Variants in ALMS1 observed in about 807,000 individuals in gnomAD.
The protein encoded by ALMS1 is centrosome-associated protein ALMS1.
ALMS1 carries 271 observed loss-of-function variants against 352.2 expected under a neutral mutation model. The ratio of observed to expected loss-of-function variants is 0.77; its 90% CI spans 0.70 to 0.85. The LOEUF is 0.85. Among genes scored for constraint, ALMS1 ranks in the 40% least tolerant of loss-of-function variants. The pLI is 0.00. For missense variants in ALMS1, 5,445 were observed against 4,870.7 expected (o/e 1.12, Z -3.51); for synonymous variants, 1,865 against 1,761.2 (o/e 1.06, Z -1.48).
intron 10 of ALMS1, 112 bp from the exon 11 acceptor site, chr2:73,519,662 AC>A: frequency 7.1e-7 from 1 of 1,416,508 alleles, no homozygotes; most frequent in South Asian, 1.2e-5. Flanking sequence ...TGATGTGTCC[AC>A]AATATATTCC....
chr2:73,592,793 CG>C (rs1275851685), intron 16 of ALMS1, among the ~76,000 whole-genome samples: 1 of 152,094 alleles, frequency 6.6e-6, no homozygotes, highest in Admixed American at 6.5e-5. Context: ...TTAATAAATA[CG>C]GGAATGAGTC....
rs267599449 is a variant in ALMS1 at position 73,573,038 on chromosome 2, C to A, written c.11161C>A (p.Leu3721Met). ...IEQIKFDKYI[L>M]SKQPGFNYIS... The stretch of plus-strand genomic sequence containing the variant: ...ACAGATTAAATTTGATAAATATATT[C>A]TGAGTAAACAGCCAGGTTTTAATTA... The change falls in exon 16 of 23, where the codon CTG becomes ATG. Residue 3721 changes from leucine to methionine, a missense_variant. By Grantham distance (15) the Leu-to-Met change is conservative. Transcript: ENST00000613296. 6.2e-7 allele frequency: 1 copy of A among 1,614,044 alleles called. No individual in the cohort carries two copies. The highest frequency in any genetic ancestry group is 1.1e-5 in the South Asian group (1 of 91,078).
At chr2:73,406,574 G>A (rs1011934637) in intron 1 of ALMS1, among the ~76,000 whole-genome samples, 2 of 150,600 alleles carry the variant, frequency 1.3e-5, no homozygotes, top group Admixed American at 1.3e-4. Flanking sequence ...TGTATATTCT[G>A]TAGCTATTTT....
chr2:73,546,112 G>A (rs1279536262), intron 12 of ALMS1, among the ~76,000 whole-genome samples: 1 of 152,080 alleles, frequency 6.6e-6, no homozygotes, highest in Non-Finnish European at 1.5e-5. Flanking sequence ...CCTTCCTAAG[G>A]TACCTTCAAG....
intron 10 of ALMS1, among the ~76,000 whole-genome samples, chr2:73,512,621 A>G (rs896594363): frequency 6.6e-6 from 1 of 152,026 alleles, no homozygotes; most frequent in Non-Finnish European, 1.5e-5. Context: ...TAGATTTCAG[A>G]CTTGCAAATT....
chr2:73,516,585 C>A (rs1019470829), intron 10 of ALMS1, among the ~76,000 whole-genome samples: 2 of 152,180 alleles, frequency 1.3e-5, no homozygotes, highest in African/African-American at 4.8e-5. Context: ...GGTTTTTCAA[C>A]AACTAAATAT....
chr2:73,396,842 A>T (rs934370343), intron 1 of ALMS1, among the ~76,000 whole-genome samples: 1 of 151,750 alleles, frequency 6.6e-6, no homozygotes, highest in Non-Finnish European at 1.5e-5. Flanking sequence ...GACGGGGTTT[A>T]ACCGTGTTAG....
In ALMS1 at chr2:73,449,131, T is replaced by G; in HGVS notation, c.2604T>G (p.Ser868Arg). The G allele has an allele frequency of 1.2e-6, 2 of 1,613,994 alleles. No homozygotes were observed. The highest frequency in any genetic ancestry group is 1.7e-6 in the Non-Finnish European group (2 of 1,179,962). ...SASSSLGEKPSAFYQQTLPNS... is the reference protein window; with the variant it reads ...SASSSLGEKPRAFYQQTLPNS... ...CCTCTTCACTTGGAGAAAAGCCCAGTGCTTTCTATCAGCAGACCTTACCCA... is the reference window on the plus strand; with the variant it reads ...CCTCTTCACTTGGAGAAAAGCCCAGGGCTTTCTATCAGCAGACCTTACCCA... Residue 868 changes from serine (S) to arginine (R), a missense_variant, in exon 8 of 23, where the codon AGT (serine) becomes AGG (arginine). Physicochemically the swap from Ser to Arg is moderately radical, Grantham distance 110 (BLOSUM62 -1). Coordinates refer to ENST00000613296, the MANE Select transcript of ALMS1 (RefSeq NM_001378454.1).
At chr2:73,464,196 A>G (rs1389763116) in intron 9 of ALMS1, among the ~76,000 whole-genome samples, 5 of 152,206 alleles carry the variant, frequency 3.3e-5, no homozygotes, top group African/African-American at 1.2e-4. Flanking sequence ...AAAATCCTCA[A>G]TAAAATACTG....
chr2:73,431,546 T>C (rs1327729312), intron 6 of ALMS1, among the ~76,000 whole-genome samples: 2 of 152,202 alleles, frequency 1.3e-5, no homozygotes, highest in East Asian at 3.8e-4. Flanking sequence ...TTCTAATTTC[T>C]TTTCTAGCAA....
chr2:73,455,354 G>A (rs977815447), intron 9 of ALMS1, 59 bp downstream of exon 9: 4 of 1,603,210 alleles, frequency 2.5e-6, no homozygotes, highest in Admixed American at 1.7e-5. Context: ...GATGGAATTA[G>A]GATCTCTTAC....
intron 21 of ALMS1, among the ~76,000 whole-genome samples, chr2:73,604,447 A>G (rs1372733979): frequency 1.3e-5 from 2 of 152,254 alleles, no homozygotes; most frequent in Non-Finnish European, 2.9e-5. Flanking sequence ...TCAGATATTC[A>G]TATATTGATC....
rs865791195 is a variant in ALMS1, at chr2:73,541,785, C to T, written c.9907+6836C>T. On this transcript the variant is annotated intron_variant, in intron 12 of 22. Coordinates refer to ENST00000613296, the MANE Select transcript of ALMS1 (RefSeq NM_001378454.1). ...AAATCTAGAAGAAATGGATAAATTC[C>T]TCAACACATATACCTTCCCAAGACT... Among the ~76,000 whole-genome samples the T allele has an allele frequency of 3.9e-5, 6 of 152,272 alleles. No individual in the cohort carries two copies. The Middle Eastern group carries it at 0.014, about 345-fold the overall frequency.
At chr2:73,533,730 T>C (rs1673969400) in intron 11 of ALMS1, among the ~76,000 whole-genome samples, 1 of 152,180 alleles carries the variant, frequency 6.6e-6, no homozygotes, top group African/African-American at 2.4e-5. Flanking sequence ...AAAATGTCCA[T>C]AATAGTAAGA....
chr2:73,604,369 G>A (rs1447710450), intron 21 of ALMS1, among the ~76,000 whole-genome samples: 1 of 152,054 alleles, frequency 6.6e-6, no homozygotes, highest in Non-Finnish European at 1.5e-5. Flanking sequence ...TTACGCTCCG[G>A]CCTGGGTAAC....
chr2:73,456,860 A>G (rs1672077097), intron 9 of ALMS1: 1 of 152,174 alleles, frequency 6.6e-6, no homozygotes, highest in Non-Finnish European at 1.5e-5. Context: ...TTTCTCAGTG[A>G]TCTGTGTTTC....
At chr2:73,497,626 TGTC>T (rs1031221561) in intron 10 of ALMS1, among the ~76,000 whole-genome samples, 1 of 152,130 alleles carries the variant, frequency 6.6e-6, no homozygotes, top group Non-Finnish European at 1.5e-5. Flanking sequence ...ATTTAAAAAT[TGTC>T]GTTGGTTGAT....
chr2:73,410,727 G>C (rs1027406623), intron 2 of ALMS1, among the ~76,000 whole-genome samples: 1 of 152,088 alleles, frequency 6.6e-6, no homozygotes, highest in Non-Finnish European at 1.5e-5. Flanking sequence ...CTAGAACATA[G>C]TTATAAACTT....
chr2:73,485,924 G>T (rs1050242537), intron 9 of ALMS1, among the ~76,000 whole-genome samples: 1 of 152,186 alleles, frequency 6.6e-6, no homozygotes, highest in African/African-American at 2.4e-5. Context: ...GCCTTGCCCT[G>T]CTTCGTCTCG....
Sources: allele counts gnomAD v4.1 joint callset (sites outside exome capture counted in the v4.1 genomes callset), GRCh38; gene constraint gnomAD v4.1.1; transcripts MANE v1.5; gene names NCBI Gene and HGNC (gene_info 2026-07-23, HGNC 2026-07-21).